SPOCK3: variants seen among roughly 807,000 people sequenced by gnomAD.
SPOCK3 encodes testican-3.
In SPOCK3, 30 loss-of-function variants were observed where a neutral mutation model predicts 56.6. That is an observed-to-expected ratio of 0.53 (90% confidence interval 0.40 to 0.72). The LOEUF is 0.72. Ranked by LOEUF, SPOCK3 falls within the 30% of genes least tolerant of loss-of-function variation. The probability of loss-of-function intolerance (pLI) is 0.00; values close to 1 mark genes in which losing one functional copy is unlikely to be tolerated. For missense variants in SPOCK3, 527 were observed against 530.0 expected (o/e 0.99, Z 0.06); for synonymous variants, 196 against 183.3 (o/e 1.07, Z -0.56).
At chr4:166,742,916 C>A (rs7667124) in intron 8 of SPOCK3, among the ~76,000 whole-genome samples, 1 of 151,890 alleles carries the variant, frequency 6.6e-6, no homozygotes. Flanking sequence ...TTCAACCAAC[C>A]GCTAATTGAA....
intron 2 of SPOCK3, among the ~76,000 whole-genome samples, chr4:167,091,547 A>G (rs1758702484): frequency 6.6e-6 from 1 of 152,206 alleles, no homozygotes. Flanking sequence ...CTCTTCATAT[A>G]TAATTTAAAA....
intron 2 of SPOCK3, among the ~76,000 whole-genome samples, chr4:167,127,680 G>A (rs1465503028): frequency 2.6e-5 from 4 of 152,066 alleles, no homozygotes; most frequent in Non-Finnish European, 2.9e-5. Context: ...CACTCACCTC[G>A]GCCTCCGAAA....
intron 7 of SPOCK3, among the ~76,000 whole-genome samples, chr4:166,777,097 T>C (rs6817936): frequency 0.41 from 62,278 of 151,972 alleles, 13,297 homozygotes; most frequent in Non-Finnish European, 0.46. Context: ...ATAATAAATG[T>C]AAGCAAACAA....
intron 6 of SPOCK3, among the ~76,000 whole-genome samples, chr4:166,883,928 A>G (rs569734034): frequency 7.9e-5 from 12 of 152,328 alleles, no homozygotes; most frequent in South Asian, 6.2e-4. Context: ...ATGGTAGTTC[A>G]CTATTATCTT....
intron 6 of SPOCK3, among the ~76,000 whole-genome samples, chr4:166,842,625 C>T (rs1376524632): frequency 6.6e-6 from 1 of 152,056 alleles, no homozygotes. Flanking sequence ...TTTTCCAAGT[C>T]CCCACCAGAG....
chr4:166,817,534 G>C (rs4318675), intron 6 of SPOCK3, among the ~76,000 whole-genome samples: 39,459 of 151,790 alleles, frequency 0.26, 7,570 homozygotes, highest in East Asian at 0.66. Context: ...AGTGAAACAA[G>C]AATCAAAATT....
chr4:167,042,073 T>C (rs1753277290), intron 3 of SPOCK3, among the ~76,000 whole-genome samples: 1 of 152,160 alleles, frequency 6.6e-6, no homozygotes, highest in Non-Finnish European at 1.5e-5. Context: ...TTTCATTAGA[T>C]ATATCAAGTG....
intron 2 of SPOCK3, among the ~76,000 whole-genome samples, chr4:167,138,958 TA>T (rs1173104788): frequency 6.6e-6 from 1 of 152,004 alleles, no homozygotes; most frequent in Non-Finnish European, 1.5e-5. Context: ...AGTAATTCAT[TA>T]AAATTTTAAC....
chr4:166,850,474 C>G lies in SPOCK3; in HGVS notation c.589+38656G>C, dbSNP rs984370151. On this transcript the variant is annotated intron_variant, in intron 6 of 10. Coordinates refer to ENST00000357545, the MANE Select transcript of SPOCK3 (RefSeq NM_001040159.2). ...GAATTTCGGGAGGAGCCAAGGTGGC[C>G]GAATAGGAACAGCTCCCATCTACAG... Among the ~76,000 whole-genome samples, 3 of 152,136 alleles carry G rather than the reference C, an allele frequency of 2.0e-5. No individual in the cohort carries two copies. In the East Asian group the frequency reaches 5.8e-4, roughly 29 times the overall value.
chr4:167,195,956 G>A (rs558950853), intron 2 of SPOCK3, among the ~76,000 whole-genome samples: 21 of 152,250 alleles, frequency 1.4e-4, no homozygotes, highest in Middle Eastern at 6.8e-3. Flanking sequence ...CTATTCTGTC[G>A]TATTGCTGAT....
chr4:166,996,037 T>C (rs1748334571), intron 4 of SPOCK3, among the ~76,000 whole-genome samples: 1 of 152,142 alleles, frequency 6.6e-6, no homozygotes, highest in Admixed American at 6.6e-5. Flanking sequence ...AAATAGTCAT[T>C]ATAAACCATG....
chr4:166,776,366 T>C (rs548858515), intron 7 of SPOCK3, among the ~76,000 whole-genome samples: 1 of 152,106 alleles, frequency 6.6e-6, no homozygotes, highest in South Asian at 2.1e-4. Context: ...TGAGCCGAGA[T>C]TGCACCACTG....
intron 5 of SPOCK3, among the ~76,000 whole-genome samples, chr4:166,893,296 T>C (rs1734985191): frequency 6.6e-6 from 1 of 152,100 alleles, no homozygotes; most frequent in Admixed American, 6.6e-5. Context: ...CCTTAGGAAT[T>C]TTTTCTTGGG....
chr4:166,972,476 A>C (rs2150076415), intron 4 of SPOCK3, among the ~76,000 whole-genome samples: 1 of 151,848 alleles, frequency 6.6e-6, no homozygotes, highest in Non-Finnish European at 1.5e-5. Flanking sequence ...AAATCAAAAG[A>C]ACATCACCCA....
chr4:166,962,557 C>T (rs1361313938), intron 4 of SPOCK3, among the ~76,000 whole-genome samples: 8 of 152,018 alleles, frequency 5.3e-5, no homozygotes, highest in Non-Finnish European at 1.2e-4. Flanking sequence ...TTAGAGAGGA[C>T]AGATGTAGGA....
At chr4:166,765,619 G>A (rs1232931824) in intron 7 of SPOCK3, among the ~76,000 whole-genome samples, 5 of 152,152 alleles carry the variant, frequency 3.3e-5, no homozygotes, top group South Asian at 2.1e-4. Flanking sequence ...GTCAGGTAGC[G>A]TGATGCCTCC....
chr4:166,800,183 GAAAAAAAA>G (rs367811359), intron 6 of SPOCK3, among the ~76,000 whole-genome samples: 9,544 of 51,810 alleles, frequency 0.18, 519 homozygotes, highest in Middle Eastern at 0.24. Flanking sequence ...CTCCATCTCA[GAAAAAAAA>G]AAAAAAAAAA....
intron 8 of SPOCK3, among the ~76,000 whole-genome samples, chr4:166,743,438 A>AT (rs199723568): frequency 7.6e-6 from 1 of 131,660 alleles, no homozygotes; most frequent in Non-Finnish European, 1.7e-5. Flanking sequence ...ATCTTGCAGA[A>AT]TCTAAAAAAA....
chr4:166,767,773 A>C (rs1472759715), intron 7 of SPOCK3, among the ~76,000 whole-genome samples: 1 of 152,168 alleles, frequency 6.6e-6, no homozygotes, highest in South Asian at 2.1e-4. Flanking sequence ...TGATCTGTCT[A>C]ATGTTGACAG....
Sources: gnomAD v4.1 joint callset for allele counts (sites outside exome capture counted in the v4.1 genomes callset) on GRCh38, gnomAD v4.1.1 for gene constraint, MANE v1.5 for transcripts, NCBI Gene and HGNC (gene_info 2026-07-23, HGNC 2026-07-21) for gene names.